TSEN2: variants seen among roughly 807,000 people sequenced by gnomAD.
TSEN2 encodes tRNA-splicing endonuclease subunit Sen2.
TSEN2 carries 54 observed loss-of-function variants against 59.2 expected under a neutral mutation model. The ratio of observed to expected loss-of-function variants is 0.91; its 90% CI spans 0.73 to 1.14. The LOEUF is 1.14. TSEN2 is among the 50% of genes most tolerant of loss of function. The pLI is 0.00. For missense variants in TSEN2, 636 were observed against 576.2 expected (o/e 1.10, Z -1.06); for synonymous variants, 195 against 198.2 (o/e 0.98, Z 0.14).
chr3:12,512,426 A>G (rs927502462), intron 6 of TSEN2, among the ~76,000 whole-genome samples: 11 of 152,234 alleles, frequency 7.2e-5, no homozygotes, highest in African/African-American at 2.7e-4. Context: ...TCAGTGATGT[A>G]TACACAACGA....
rs566111403 is a variant in TSEN2, at chr3:12,487,344, C to A, written c.-17-2440C>A. ...CACACCTGGGTTGGAGTACAGAGTT[C>A]TTTCGATCAAGTGTCACAGCTAAAT... On this transcript the variant is annotated intron_variant, in intron 1 of 11. Transcript: ENST00000284995. Among the ~76,000 whole-genome samples, 4 of 152,336 alleles carry A rather than the reference C, an allele frequency of 2.6e-5. No homozygotes were observed. The East Asian group carries it at 5.8e-4, about 22-fold the overall frequency.
chr3:12,534,132 T>G (rs926908729), downstream of TSEN2, among the ~76,000 whole-genome samples: 12 of 152,262 alleles, frequency 7.9e-5, no homozygotes, highest in East Asian at 1.9e-4. Flanking sequence ...TGGTGGTGGT[T>G]AACAAGGAAG....
In TSEN2 at chr3:12,519,163, G is replaced by C; in HGVS notation, c.1065G>C (p.Val355=). 1 of 1,614,254 alleles carries C rather than the reference G, an allele frequency of 6.2e-7. No homozygotes were observed. Among genetic ancestry groups the C allele is most frequent in the East Asian group, 2.2e-5 (1 of 44,888 alleles). The change falls in exon 8 of 12, where the codon GTG becomes GTC. Residue 355 remains valine, a synonymous_variant. Coordinates refer to ENST00000284995, the MANE Select transcript of TSEN2 (RefSeq NM_025265.4). ...AYHYFRSKGW[V]PKVGLKYGTD... ...ATTACTTTCGAAGCAAGGGCTGGGTGCCCAAAGTGGGACTCAAGTACGGGA... is the reference window on the plus strand; with the variant it reads ...ATTACTTTCGAAGCAAGGGCTGGGTCCCCAAAGTGGGACTCAAGTACGGGA...
intron 4 of TSEN2, among the ~76,000 whole-genome samples, chr3:12,497,449 C>T (rs1175033801): frequency 6.6e-6 from 1 of 152,160 alleles, no homozygotes; most frequent in Admixed American, 6.5e-5. Context: ...AGTGGTGGCA[C>T]CAGGGAGATC....
intron 3 of TSEN2, among the ~76,000 whole-genome samples, chr3:12,495,688 G>C (rs1363032498): frequency 6.6e-6 from 1 of 152,160 alleles, no homozygotes; most frequent in Non-Finnish European, 1.5e-5. Context: ...ATCTTGGCTG[G>C]GTGTGCTCAC....
intron 6 of TSEN2, among the ~76,000 whole-genome samples, chr3:12,513,447 A>G (rs887475579): frequency 2.3e-4 from 35 of 152,164 alleles, no homozygotes; most frequent in African/African-American, 8.4e-4. Flanking sequence ...AACTAAAATT[A>G]ATTGAGCTTT....
chr3:12,496,185 A>T (rs2053729904), intron 3 of TSEN2, among the ~76,000 whole-genome samples: 1 of 152,254 alleles, frequency 6.6e-6, no homozygotes, highest in Non-Finnish European at 1.5e-5. Context: ...GGGCCTCAGC[A>T]TTCTCATTTG....
At chr3:12,535,395 A>G (rs939530781), downstream of TSEN2, among the ~76,000 whole-genome samples, 1 of 152,368 alleles carries the variant, frequency 6.6e-6, no homozygotes, top group Non-Finnish European at 1.5e-5. Context: ...TGTAAAAGTC[A>G]TATTTGTAAA....
chr3:12,499,065 T>G (rs2054034621), intron 4 of TSEN2, among the ~76,000 whole-genome samples: 1 of 152,126 alleles, frequency 6.6e-6, no homozygotes, highest in African/African-American at 2.4e-5. Flanking sequence ...TGGCCATAAT[T>G]GTTTCTTTTC....
chr3:12,531,149 A>G (rs2057432557), intron 10 of TSEN2: 1 of 188,472 alleles, frequency 5.3e-6, no homozygotes, highest in Admixed American at 5.5e-5. Flanking sequence ...ACCGTCCCCC[A>G]TAATCTAATC....
At position 12,528,892 on chromosome 3, in the gene TSEN2, A is replaced by G. The variant is rs761076607; in HGVS notation, c.1104A>G (p.Leu368=). Residue 368 remains leucine (L), a synonymous_variant, in exon 9 of 12, where the codon CTA becomes CTG. Transcript: ENST00000284995. ...VGLKYGTDLL[L]YRKGPPFYHA... ...TTTTTTCTTTCTTCTTTGCAGTGCT[A>G]TATCGGAAAGGCCCTCCATTTTACC... The G allele has an allele frequency of 6.8e-5, 109 of 1,613,760 alleles. No homozygotes were observed. In the Admixed American group the frequency reaches 1.7e-3, roughly 26 times the overall value.
At chr3:12,521,469 C>T (rs2056630553) in intron 8 of TSEN2, among the ~76,000 whole-genome samples, 1 of 152,186 alleles carries the variant, frequency 6.6e-6, no homozygotes, top group Non-Finnish European at 1.5e-5. Context: ...ATTCTCAGCA[C>T]TTTGGGAGGC....
At chr3:12,534,199 G>A (rs2057614905), downstream of TSEN2, among the ~76,000 whole-genome samples, 1 of 152,168 alleles carries the variant, frequency 6.6e-6, no homozygotes, top group African/African-American at 2.4e-5. Context: ...CCTCTACCTC[G>A]GGTGGGGTGC....
In TSEN2 at chr3:12,532,960, G is replaced by C; in HGVS notation, c.*239G>C. 1.8e-6 allele frequency: 1 copy of C among 570,908 alleles called. No homozygotes were observed. Among genetic ancestry groups the C allele is most frequent in the Admixed American group, 3.0e-5 (1 of 32,952 alleles). The allele number at this position is 570,908 out of a possible 1,614,324, so 35.4% of individuals were successfully genotyped here. On this transcript the variant is annotated 3_prime_UTR_variant, in exon 12 of 12. Coordinates refer to ENST00000284995, the MANE Select transcript of TSEN2 (RefSeq NM_025265.4). ...CTAACTCTCCAATCCAGAGCCTCCTGCCTCTGGCGTCAGTCTTTTCCCTCA... is the reference window on the plus strand; with the variant it reads ...CTAACTCTCCAATCCAGAGCCTCCTCCCTCTGGCGTCAGTCTTTTCCCTCA...
At chr3:12,495,385 G>T (rs904481160) in intron 3 of TSEN2, among the ~76,000 whole-genome samples, 1 of 151,940 alleles carries the variant, frequency 6.6e-6, no homozygotes, top group Non-Finnish European at 1.5e-5. Context: ...ACATGCCATC[G>T]CAGCTAGCTA....
chr3:12,506,912 G>A, intron 6 of TSEN2: 1 of 974,914 alleles, frequency 1.0e-6, no homozygotes, highest in Non-Finnish European at 1.2e-6. Context: ...GTAATTGTGG[G>A]GGCCGGGCGC....
chr3:12,512,049 T>G (rs2055527881), intron 6 of TSEN2, among the ~76,000 whole-genome samples: 1 of 152,236 alleles, frequency 6.6e-6, no homozygotes, highest in African/African-American at 2.4e-5. Flanking sequence ...TTGGCATTCC[T>G]CAGTTTCCTC....
At chr3:12,492,668 C>A (rs2053340874) in intron 3 of TSEN2, among the ~76,000 whole-genome samples, 1 of 152,066 alleles carries the variant, frequency 6.6e-6, no homozygotes, top group South Asian at 2.1e-4. Flanking sequence ...ACTTAAGAAC[C>A]AATACCAGCA....
chr3:12,505,225 A>T lies in TSEN2; in HGVS notation c.903A>T (p.Leu301=). 13 of 1,604,182 alleles carry T rather than the reference A, an allele frequency of 8.1e-6. No individual in the cohort carries two copies. Among genetic ancestry groups the T allele is most frequent in the Non-Finnish European group, 1.0e-5 (12 of 1,170,904 alleles). The change falls in exon 6 of 12, where the codon CTA becomes CTT. Residue 301 remains leucine, a synonymous_variant. Coordinates refer to ENST00000284995, the MANE Select transcript of TSEN2 (RefSeq NM_025265.4). The part of the protein sequence containing the change: ...YRIFEYLQLS[L]EEAFFLVYAL... ...TCTTTGAGTATTTGCAACTCAGCCT[A>T]GAAGAGGTATGTTTTCAACATATTA...
Sources: allele counts gnomAD v4.1 joint callset (sites outside exome capture counted in the v4.1 genomes callset), GRCh38; gene constraint gnomAD v4.1.1; transcripts MANE v1.5; gene names NCBI Gene and HGNC (gene_info 2026-07-23, HGNC 2026-07-21).